Variants in NFKBIZ observed in about 807,000 individuals in gnomAD.
NFKBIZ encodes the protein NF-kappa-B inhibitor zeta.
Under a neutral mutation model 76.8 loss-of-function variants are expected in NFKBIZ, and 19 were observed. The observed-to-expected ratio is 0.25, with a 90% CI of 0.17 to 0.36. NFKBIZ has a LOEUF of 0.36. NFKBIZ is among the 10% of genes least tolerant of loss of function. The pLI, the probability that NFKBIZ is intolerant of heterozygous loss-of-function variation, is 1.00. For missense variants in NFKBIZ, 829 were observed against 910.9 expected (o/e 0.91, Z 1.16); for synonymous variants, 368 against 354.8 (o/e 1.04, Z -0.42).
chr3:101,852,360 G>C, intron 2 of NFKBIZ, 136 bp downstream of exon 2: 1 of 1,110,328 alleles, frequency 9.0e-7, no homozygotes, highest in African/African-American at 1.6e-5. Context: ...CCATAGGACA[G>C]AGACCATATT....
intron 6 of NFKBIZ, 82 bp downstream of exon 6, chr3:101,854,765 C>G: frequency 1.1e-6 from 1 of 899,656 alleles, no homozygotes; most frequent in Non-Finnish European, 1.7e-6. Context: ...TGTAGATCAT[C>G]TTAGAGCTCA....
rs1247760898 is a variant in NFKBIZ, at chr3:101,860,973, C to G, written c.*1602C>G. On this transcript the variant is annotated 3_prime_UTR_variant, in exon 12 of 12. Coordinates refer to ENST00000326172, the MANE Select transcript of NFKBIZ (RefSeq NM_031419.4). ...TAAATATGGTGTGATATGAACCAGT[C>G]CATTCACATTGGAAAAACTGATGGT... 6.6e-6 allele frequency: 1 copy of G among 151,942 alleles called. No homozygotes were observed. The highest frequency in any genetic ancestry group is 1.9e-4 in the East Asian group (1 of 5,202). The allele number at this position is 151,942 out of a possible 1,614,324, so 9.4% of individuals were successfully genotyped here.
chr3:101,835,678 C>T (rs1428740280), intron 2 of NFKBIZ, among the ~76,000 whole-genome samples: 2 of 152,172 alleles, frequency 1.3e-5, no homozygotes, highest in African/African-American at 4.8e-5. Flanking sequence ...CCCCGACAGC[C>T]CATTTTTAAC....
exon 1 of NFKBIZ, chr3:101,828,079 C>T (rs190374835): frequency 2.3e-4 from 35 of 152,260 alleles, no homozygotes; most frequent in Admixed American, 2.2e-3. Flanking sequence ...GGAAACTGAT[C>T]GTCTTTCTCA....
Position 101,853,714 on chromosome 3 carries a change from C to T in NFKBIZ, c.1188C>T (p.Asn396=), listed in dbSNP as rs147898842. Residue 396 remains asparagine, a synonymous_variant, in exon 5 of 12, where the codon AAC becomes AAT. Transcript: ENST00000326172. ...VGHEMASDSS[N]TSLPFSNMGN... ...ACGAGATGGCCTCTGACTCTTCAAACACTTCACTGCCATTCTCAAACATGG... is the reference window on the plus strand; with the variant it reads ...ACGAGATGGCCTCTGACTCTTCAAATACTTCACTGCCATTCTCAAACATGG... The T allele has an allele frequency of 8.0e-4, 1,297 of 1,614,276 alleles. 1 individual carries two copies. The highest frequency in any genetic ancestry group is 1.0e-3 in the Non-Finnish European group (1,216 of 1,180,050).
At chr3:101,851,099 A>G (rs551245345) in intron 1 of NFKBIZ, among the ~76,000 whole-genome samples, 6 of 152,342 alleles carry the variant, frequency 3.9e-5, no homozygotes, top group Non-Finnish European at 7.3e-5. Flanking sequence ...CACTTACCCT[A>G]TCATTGAACT....
intron 2 of NFKBIZ, among the ~76,000 whole-genome samples, chr3:101,836,450 A>C (rs919283645): frequency 3.3e-5 from 5 of 152,106 alleles, no homozygotes; most frequent in African/African-American, 1.2e-4. Flanking sequence ...ATTATCTTAT[A>C]TAGCTTTTTG....
rs1280825653 is a variant in NFKBIZ, at chr3:101,851,453, CTT to C, written c.290-627_290-626del. On this transcript the variant is annotated intron_variant, in intron 1 of 11. Transcript: ENST00000326172. ...GTTTAAGCTCAGTGAATTTAAGCAGCTTTTTTGGCACAGTTGAATTGAAGGAA... is the reference window on the plus strand; with the variant it reads ...GTTTAAGCTCAGTGAATTTAAGCAGCTTTTGGCACAGTTGAATTGAAGGAA... 2.6e-4 allele frequency among the ~76,000 whole-genome samples: 39 copies of C among 152,162 alleles called. 1 individual carries two copies. The highest frequency in any genetic ancestry group is 7.3e-5 in the Non-Finnish European group (5 of 68,030).
Position 101,849,555 on chromosome 3 carries a change from C to T in NFKBIZ, c.-74C>T, listed in dbSNP as rs985685713. ...TCCGCCCGCCGACAGCTCCCTGAGC[C>T]AGCCCGGGAGGCAGCCGCGCGCAGC... On this transcript the variant is annotated 5_prime_UTR_variant, in exon 1 of 12. Coordinates refer to ENST00000326172, the MANE Select transcript of NFKBIZ (RefSeq NM_031419.4). 8 of 1,250,242 alleles carry T rather than the reference C, an allele frequency of 6.4e-6. No individual in the cohort carries two copies. The highest frequency in any genetic ancestry group is 4.7e-5 in the African/African-American group (3 of 63,196). The allele number at this position is 1,250,242 out of a possible 1,614,324, so 77.4% of individuals were successfully genotyped here. A position where few individuals can be genotyped will look rare whatever the true frequency, so the allele number is the denominator to read the frequency against.
intron 11 of NFKBIZ, chr3:101,857,815 C>G (rs189036903): frequency 3.0e-6 from 3 of 984,544 alleles, no homozygotes; most frequent in Non-Finnish European, 3.6e-6. Flanking sequence ...TATGAGCCTT[C>G]AAATATTGTG....
Position 101,855,232 on chromosome 3 carries a change from C to T in NFKBIZ, c.1590+24C>T, listed in dbSNP as rs200526339. The T allele has an allele frequency of 9.9e-5, 159 of 1,601,966 alleles. No homozygotes were observed. In the African/African-American group the frequency reaches 2.0e-3, roughly 20 times the overall value. Reference sequence around the variant, plus strand: ...AGGTAAGAGGCAGCAAACCAGGCTTCCATCATTGCAAGGCCAGAGAGATAG... The same window carrying T: ...AGGTAAGAGGCAGCAAACCAGGCTTTCATCATTGCAAGGCCAGAGAGATAG... On this transcript the variant is annotated intron_variant, in intron 7 of 11. Coordinates refer to ENST00000326172, the MANE Select transcript of NFKBIZ (RefSeq NM_031419.4).
At chr3:101,833,477 G>A (rs1479558263) in intron 2 of NFKBIZ, among the ~76,000 whole-genome samples, 3 of 152,166 alleles carry the variant, frequency 2.0e-5, no homozygotes, top group Non-Finnish European at 4.4e-5. Flanking sequence ...AATCATAACA[G>A]CTGTGAAAAG....
chr3:101,850,042 C>A, intron 1 of NFKBIZ, 125 bp downstream of exon 1: 2 of 941,078 alleles, frequency 2.1e-6, no homozygotes, highest in Non-Finnish European at 2.8e-6. Flanking sequence ...GCACCTTAGC[C>A]ATCAATTACC....
At chr3:101,836,433 A>T (rs150555364) in intron 2 of NFKBIZ, among the ~76,000 whole-genome samples, 1 of 152,278 alleles carries the variant, frequency 6.6e-6, no homozygotes, top group African/African-American at 2.4e-5. Context: ...CATCATGGCC[A>T]CCTGGCATTA....
At chr3:101,836,722 C>T (rs950694542) in intron 2 of NFKBIZ, among the ~76,000 whole-genome samples, 3 of 152,106 alleles carry the variant, frequency 2.0e-5, no homozygotes, top group African/African-American at 4.8e-5. Flanking sequence ...AATAAATGAA[C>T]GTACAGACAC....
chr3:101,849,506 C>G (rs1942911135), upstream of NFKBIZ: 2 of 856,404 alleles, frequency 2.3e-6, no homozygotes, highest in East Asian at 3.5e-5. Context: ...CAGTCCCGCG[C>G]CGCGCCCGTA....
chr3:101,846,114 A>C (rs1479536818), upstream of NFKBIZ, among the ~76,000 whole-genome samples: 3 of 152,170 alleles, frequency 2.0e-5, no homozygotes. Context: ...TATAGTCAAG[A>C]TGTTGGCCAG....
chr3:101,852,518 T>G (rs1201607603), intron 2 of NFKBIZ, among the ~76,000 whole-genome samples: 1 of 152,082 alleles, frequency 6.6e-6, no homozygotes, highest in Non-Finnish European at 1.5e-5. Flanking sequence ...CAAATGGTCT[T>G]ATTAATTTCA....
chr3:101,856,843 A>G, intron 9 of NFKBIZ: 2 of 440,400 alleles, frequency 4.5e-6, no homozygotes, highest in Non-Finnish European at 8.1e-6. Context: ...GCCACCCTGT[A>G]TAAAAAGGTA....
Sources: allele counts gnomAD v4.1 joint callset (sites outside exome capture counted in the v4.1 genomes callset), GRCh38; gene constraint gnomAD v4.1.1; transcripts MANE v1.5; gene names NCBI Gene and HGNC (gene_info 2026-07-23, HGNC 2026-07-21).